RYR2: variants seen among roughly 807,000 people sequenced by gnomAD.
RYR2 encodes the protein ryanodine receptor 2.
Under a neutral mutation model 601.1 loss-of-function variants are expected in RYR2, and 227 were observed. That is an observed-to-expected ratio of 0.38 (90% CI 0.34 to 0.42). The LOEUF is 0.42. Ranked by LOEUF, RYR2 falls within the 10% of genes least tolerant of loss-of-function variation. RYR2 has a pLI of 1.00. For missense variants in RYR2, 4,646 were observed against 6,156.5 expected (o/e 0.75, Z 8.21); for synonymous variants, 2,223 against 2,175.1 (o/e 1.02, Z -0.61).
chr1:237,655,684 GA>G, intron 52 of RYR2, 136 bp from the exon 53 acceptor site: 1 of 740,228 alleles, frequency 1.4e-6, no homozygotes. Context: ...TCATTTTCTG[GA>G]AAAAGAATGA....
intron 1 of RYR2, among the ~76,000 whole-genome samples, chr1:237,171,657 G>A (rs1370509649): frequency 6.6e-6 from 1 of 152,122 alleles, no homozygotes; most frequent in Non-Finnish European, 1.5e-5. Flanking sequence ...AAATCTCTGA[G>A]ACTCCTCTGG....
intron 17 of RYR2, among the ~76,000 whole-genome samples, chr1:237,477,882 C>G (rs986191051): frequency 1.3e-5 from 2 of 152,152 alleles, no homozygotes; most frequent in African/African-American, 4.8e-5. Context: ...CCCAAATGTT[C>G]CATCTGCAGT....
intron 80 of RYR2, among the ~76,000 whole-genome samples, chr1:237,750,419 A>T: frequency 6.6e-6 from 1 of 152,026 alleles, no homozygotes; most frequent in East Asian, 1.9e-4. Flanking sequence ...TTTCACATAA[A>T]TTACATGAAA....
In RYR2 at chr1:237,423,079, CTG is replaced by C. The variant is rs1705758757; in HGVS notation, c.849-11_849-10del. On this transcript the variant is annotated splice_polypyrimidine_tract_variant and intron_variant, in intron 11 of 104. Coordinates refer to ENST00000366574, the MANE Select transcript of RYR2 (RefSeq NM_001035.3). ...TGGGTGCTATTGGATCAAGTCCTAA[CTG>C]TTTTCATTAGGTGGAGTGGAAGCCA... 6.2e-7 allele frequency: 1 copy of C among 1,609,036 alleles called. No homozygotes were observed. Among genetic ancestry groups the C allele is most frequent in the African/African-American group, 1.3e-5 (1 of 74,516 alleles).
intron 80 of RYR2, among the ~76,000 whole-genome samples, chr1:237,744,516 C>T (rs886395590): frequency 1.3e-5 from 2 of 151,828 alleles, no homozygotes; most frequent in South Asian, 2.1e-4. Context: ...ATTAGCCGGG[C>T]GTGGTAGTGC....
chr1:237,341,393 GAGTGCAATGGTGCAATATCCTCCCCAA>G (rs1433314237), intron 3 of RYR2, among the ~76,000 whole-genome samples: 2 of 152,194 alleles, frequency 1.3e-5, no homozygotes, highest in East Asian at 3.9e-4. Flanking sequence ...ACCCAGGCTG[GAGTGCAATGGTGCAATATCCTCCCCAA>G]AAAACAAACA....
intron 10 of RYR2, among the ~76,000 whole-genome samples, chr1:237,397,228 A>G (rs1298072932): frequency 2.6e-5 from 4 of 151,796 alleles, no homozygotes; most frequent in Admixed American, 2.6e-4. Flanking sequence ...ACAGAGCGAG[A>G]CTGTTTCAAA....
In RYR2 at chr1:237,654,398, A is replaced by G. The variant is rs1358078155; in HGVS notation, c.7949A>G (p.Asp2650Gly). 1.2e-6 allele frequency: 2 copies of G among 1,613,734 alleles called. No individual in the cohort carries two copies. The highest frequency in any genetic ancestry group is 1.1e-5 in the South Asian group (1 of 91,078). ...AGAAAGTTGTTCTGGGGCATTTTTG[A>G]TGCCCTGTCTCAAAAGGTAATTTAA... ...LSRKLFWGIF[D>G]ALSQKKYEQE... Residue 2650 changes from aspartate (D) to glycine (G), a missense_variant, in exon 52 of 105, where the codon GAT becomes GGT. By Grantham distance (94) the Asp-to-Gly change is moderately conservative. Transcript: ENST00000366574.
intron 92 of RYR2, 52 bp from the exon 93 acceptor site, chr1:237,791,377 G>A: frequency 1.1e-6 from 1 of 906,458 alleles, no homozygotes; most frequent in Non-Finnish European, 1.8e-6. Context: ...ATTGACTGCA[G>A]GTTTCAAGCC....
intron 80 of RYR2, among the ~76,000 whole-genome samples, chr1:237,750,191 A>G (rs765617620): frequency 6.6e-6 from 1 of 152,164 alleles, no homozygotes; most frequent in Non-Finnish European, 1.5e-5. Context: ...TTCTGTACAT[A>G]CATACGTATC....
intron 1 of RYR2, among the ~76,000 whole-genome samples, chr1:237,066,222 T>A (rs1052671136): frequency 6.6e-6 from 1 of 152,268 alleles, no homozygotes; most frequent in Admixed American, 6.5e-5. Context: ...TTCTCATGTC[T>A]GTTTACATTC....
At chr1:237,648,076 C>T (rs973247293) in intron 48 of RYR2, among the ~76,000 whole-genome samples, 4 of 152,148 alleles carry the variant, frequency 2.6e-5, no homozygotes, top group African/African-American at 9.7e-5. Context: ...ATGTTTAAAA[C>T]AGGCTCACTT....
intron 1 of RYR2, among the ~76,000 whole-genome samples, chr1:237,093,274 G>A (rs1168276706): frequency 6.6e-6 from 1 of 152,210 alleles, no homozygotes; most frequent in Non-Finnish European, 1.5e-5. Context: ...ACATGTTGTA[G>A]TGACATTGGC....
chr1:237,454,591 A>C lies in RYR2; in HGVS notation c.1476+17A>C. ...CAGGAAGAGGTCCGTTTCTATCAAC[A>C]CTCATTTCTCTTCTGTTATTCTCTT... On this transcript the variant is annotated intron_variant, in intron 15 of 104. Transcript: ENST00000366574. 1 of 1,609,378 alleles carries C rather than the reference A, an allele frequency of 6.2e-7. No homozygotes were observed. The highest frequency in any genetic ancestry group is 8.5e-7 in the Non-Finnish European group (1 of 1,177,350).
chr1:237,574,902 GA>G (rs1397523610), intron 29 of RYR2, among the ~76,000 whole-genome samples: 1 of 152,146 alleles, frequency 6.6e-6, no homozygotes, highest in Non-Finnish European at 1.5e-5. Flanking sequence ...TACCATGCTG[GA>G]CCTCTGACCT....
At chr1:237,487,017 ATTAG>A (rs1662754766) in intron 17 of RYR2, among the ~76,000 whole-genome samples, 1 of 152,136 alleles carries the variant, frequency 6.6e-6, no homozygotes, top group East Asian at 1.9e-4. Context: ...GTTTTGCATT[ATTAG>A]TTGTAGTTAG....
At chr1:237,451,268 GACTT>G (rs1658072668) in intron 14 of RYR2, among the ~76,000 whole-genome samples, 1 of 151,988 alleles carries the variant, frequency 6.6e-6, no homozygotes, top group South Asian at 2.1e-4. Context: ...AAAATAATAA[GACTT>G]ACAAAGTAGC....
intron 6 of RYR2, among the ~76,000 whole-genome samples, chr1:237,373,208 G>A (rs1700774959): frequency 6.6e-6 from 1 of 152,196 alleles, no homozygotes; most frequent in Non-Finnish European, 1.5e-5. Context: ...CTTGAGGTCA[G>A]ACTGACATTT....
chr1:237,615,522 A>G (rs962867531), intron 37 of RYR2, among the ~76,000 whole-genome samples: 1 of 152,148 alleles, frequency 6.6e-6, no homozygotes, highest in African/African-American at 2.4e-5. Flanking sequence ...AATCAGACAC[A>G]CTGGCTGTCT....
Sources: gnomAD v4.1 joint callset for allele counts (sites outside exome capture counted in the v4.1 genomes callset) on GRCh38, gnomAD v4.1.1 for gene constraint, MANE v1.5 for transcripts, NCBI Gene and HGNC (gene_info 2026-07-23, HGNC 2026-07-21) for gene names.